Variants in ITFG1 observed in about 807,000 individuals in gnomAD.
ITFG1 encodes integrin alpha FG-GAP repeat containing 1, also known as T-cell immunomodulatory protein.
Under a neutral mutation model 81.8 loss-of-function variants are expected in ITFG1, and 34 were observed. That is an observed-to-expected ratio of 0.42 (90% confidence interval 0.32 to 0.55). ITFG1 has a LOEUF of 0.55. Among genes scored for constraint, ITFG1 ranks in the 20% least tolerant of loss-of-function variants. The pLI is 0.17. For missense variants in ITFG1, 672 were observed against 755.4 expected, an observed-to-expected ratio of 0.89 and a Z score of 1.29; for synonymous variants, 285 against 270.6, an observed-to-expected ratio of 1.05 and a Z score of -0.52.
intron 5 of ITFG1, chr16:47,450,372 T>A (rs1969373028): frequency 3.4e-6 from 1 of 293,588 alleles, no homozygotes. Flanking sequence ...TAATAGGTGA[T>A]CTCCCATCCA....
intron 8 of ITFG1, among the ~76,000 whole-genome samples, chr16:47,344,393 C>T (rs184271238): frequency 1.3e-5 from 2 of 152,158 alleles, no homozygotes; most frequent in African/African-American, 4.8e-5. Flanking sequence ...GGAAGTATTC[C>T]AAAACTGAGA....
Position 47,428,916 on chromosome 16 carries a change from A to T in ITFG1, c.561-18T>A, listed in dbSNP as rs1355147216. On this transcript the variant is annotated intron_variant, in intron 5 of 17. Coordinates refer to ENST00000320640, the MANE Select transcript of ITFG1 (RefSeq NM_030790.5). ...ATAAATTCCTAAAAAATAAAATAAAAATACTTTTCTTAAGGCAAACATCAA... is the reference window on the plus strand; with the variant it reads ...ATAAATTCCTAAAAAATAAAATAAATATACTTTTCTTAAGGCAAACATCAA... 1 of 1,446,176 alleles carries T rather than the reference A, an allele frequency of 6.9e-7. No individual in the cohort carries two copies. Among genetic ancestry groups the T allele is most frequent in the Non-Finnish European group, 9.5e-7 (1 of 1,048,746 alleles). 89.6% of individuals were successfully genotyped at this position (1,446,176 alleles called of 1,614,324 possible). A position where few individuals can be genotyped will look rare whatever the true frequency, so the allele number is the denominator to read the frequency against.
rs143877042 is a variant in ITFG1 at position 47,370,712 on chromosome 16, C to T, written c.721-4843G>A. On this transcript the variant is annotated intron_variant, in intron 7 of 17. Coordinates refer to ENST00000320640, the MANE Select transcript of ITFG1 (RefSeq NM_030790.5). ...TTGCTTGCTTATACACCCCTCATCA[C>T]GCAGTGCCTGGCTTGCCCACAGTGG... Among the ~76,000 whole-genome samples, 137 of 152,296 alleles carry T rather than the reference C, an allele frequency of 9.0e-4. 1 individual carries two copies. Among genetic ancestry groups the T allele is most frequent in the Middle Eastern group, 6.8e-3 (2 of 294 alleles).
rs149773529 is a variant in ITFG1 at position 47,417,824 on chromosome 16, T to C, written c.655+10980A>G. Among the ~76,000 whole-genome samples the C allele has an allele frequency of 7.5e-3, 1,138 of 152,294 alleles. 18 individuals are homozygous for C. The highest frequency in any genetic ancestry group is 0.026 in the African/African-American group (1,079 of 41,572). On this transcript the variant is annotated intron_variant, in intron 6 of 17. Transcript: ENST00000320640. ...TCCATATATTGCCTATTTTGAGTAC[T>C]ATTGCAATAATCATGGGGGTACAGA...
intron 14 of ITFG1, among the ~76,000 whole-genome samples, chr16:47,193,264 T>A (rs550381987): frequency 6.6e-6 from 1 of 151,842 alleles, no homozygotes; most frequent in South Asian, 2.1e-4. Context: ...GTTAAAAGAT[T>A]TTTCACTCAT....
chr16:47,303,288 T>C (rs1412041024), intron 10 of ITFG1, among the ~76,000 whole-genome samples: 1 of 151,850 alleles, frequency 6.6e-6, no homozygotes, highest in Non-Finnish European at 1.5e-5. Context: ...AAAGAGACAA[T>C]AATGCTGATT....
intron 10 of ITFG1, among the ~76,000 whole-genome samples, chr16:47,267,133 C>T (rs891276648): frequency 4.6e-5 from 7 of 152,250 alleles, no homozygotes; most frequent in Middle Eastern, 3.4e-3. Flanking sequence ...TAACTCTATG[C>T]ATATTCTAAA....
At chr16:47,445,773 G>GA (rs1969316953) in intron 5 of ITFG1, among the ~76,000 whole-genome samples, 1 of 152,076 alleles carries the variant, frequency 6.6e-6, no homozygotes, top group South Asian at 2.1e-4. Context: ...GAATGCTTTT[G>GA]AAAAGCACCC....
intron 13 of ITFG1, among the ~76,000 whole-genome samples, chr16:47,232,709 A>G (rs145627200): frequency 6.6e-6 from 1 of 150,696 alleles, no homozygotes; most frequent in East Asian, 2.0e-4. Flanking sequence ...TGGTGTGATC[A>G]TGGCTCACTG....
At chr16:47,252,207 T>C (rs1966084926) in intron 12 of ITFG1, among the ~76,000 whole-genome samples, 1 of 152,126 alleles carries the variant, frequency 6.6e-6, no homozygotes, top group African/African-American at 2.4e-5. Context: ...GATAATATGG[T>C]TGTGAATTAT....
chr16:47,253,503 GTTATTATGA>G (rs1189031381), intron 12 of ITFG1, among the ~76,000 whole-genome samples: 1 of 152,114 alleles, frequency 6.6e-6, no homozygotes, highest in Non-Finnish European at 1.5e-5. Context: ...TGAGTATTCT[GTTATTATGA>G]TTATAAGTTA....
At chr16:47,227,610 AC>A in intron 13 of ITFG1, among the ~76,000 whole-genome samples, 1 of 152,082 alleles carries the variant, frequency 6.6e-6, no homozygotes, top group Non-Finnish European at 1.5e-5. Context: ...TTCTTTAGAG[AC>A]TTTTTTAGTA....
chr16:47,336,329 G>T (rs186947702), intron 8 of ITFG1, among the ~76,000 whole-genome samples: 1 of 152,324 alleles, frequency 6.6e-6, no homozygotes, highest in Non-Finnish European at 1.5e-5. Flanking sequence ...ACTTGAAAAT[G>T]GTAGGAAAAT....
intron 6 of ITFG1, among the ~76,000 whole-genome samples, chr16:47,427,159 T>C (rs1215390914): frequency 6.6e-6 from 1 of 152,154 alleles, no homozygotes; most frequent in Non-Finnish European, 1.5e-5. Flanking sequence ...GTTGAAATAA[T>C]GGGGCTGACA....
intron 5 of ITFG1, among the ~76,000 whole-genome samples, chr16:47,438,051 G>A (rs981226726): frequency 1.3e-5 from 2 of 152,202 alleles, no homozygotes; most frequent in African/African-American, 2.4e-5. Context: ...CACCTGGCTC[G>A]GAGGGTCCTA....
intron 10 of ITFG1, among the ~76,000 whole-genome samples, chr16:47,301,285 T>A (rs1219583257): frequency 6.6e-6 from 1 of 152,156 alleles, no homozygotes; most frequent in Non-Finnish European, 1.5e-5. Flanking sequence ...ATTAATGTAT[T>A]ATAATATAAA....
At position 47,307,113 on chromosome 16, in the gene ITFG1, A is replaced by C. The variant is rs1171098081; in HGVS notation, c.1070+4127T>G. Among the ~76,000 whole-genome samples the C allele has an allele frequency of 1.9e-4, 28 of 148,066 alleles. 1 individual carries two copies. Among genetic ancestry groups the C allele is most frequent in the Non-Finnish European group, 3.9e-4 (26 of 66,894 alleles). ...CGTCTCAAAAAAAAAAAAAAAAAAA[A>C]AAAAAAAAAACGGAGAAAGAAGCCT... On this transcript the variant is annotated intron_variant, in intron 10 of 17. Coordinates refer to ENST00000320640, the MANE Select transcript of ITFG1 (RefSeq NM_030790.5).
intron 6 of ITFG1, among the ~76,000 whole-genome samples, chr16:47,424,249 A>T (rs914850024): frequency 8.5e-5 from 13 of 152,210 alleles, no homozygotes; most frequent in Non-Finnish European, 1.6e-4. Flanking sequence ...ATGCATCACA[A>T]AGTTCTCATG....
chr16:47,280,371 A>G lies in ITFG1; in HGVS notation c.1071-19676T>C, dbSNP rs1160096446. Among the ~76,000 whole-genome samples, 3 of 152,196 alleles carry G rather than the reference A, an allele frequency of 2.0e-5. No individual in the cohort carries two copies. The East Asian group carries it at 5.8e-4, about 29-fold the overall frequency. On this transcript the variant is annotated intron_variant, in intron 10 of 17. Transcript: ENST00000320640. ...TTTTTCTACATGAACTGATATGCTT[A>G]TTCCTTTATTTAAAATAGTAAATGG...
Sources: gnomAD v4.1 joint callset for allele counts (sites outside exome capture counted in the v4.1 genomes callset) on GRCh38, gnomAD v4.1.1 for gene constraint, MANE v1.5 for transcripts, NCBI Gene and HGNC (gene_info 2026-07-23, HGNC 2026-07-21) for gene names.